The following KDM3B variants were observed in gnomAD, a reference collection of about 807,000 sequenced individuals.
KDM3B encodes the protein lysine-specific demethylase 3B.
A neutral mutation model predicts 170.0 loss-of-function variants in KDM3B; 10 were observed. The observed-to-expected ratio is 0.06, with a 90% CI of 0.04 to 0.10. The LOEUF is 0.10. Ranked by LOEUF, KDM3B falls within the 10% of genes least tolerant of loss-of-function variation. The probability of loss-of-function intolerance (pLI) is 1.00; values close to 1 mark genes in which losing one functional copy is unlikely to be tolerated. For synonymous variants in KDM3B, 831 were observed against 834.8 expected, an observed-to-expected ratio of 1.00 and a Z score of 0.08; for missense variants, 1,394 against 2,195.2, an observed-to-expected ratio of 0.64 and a Z score of 7.29.
At position 138,391,469 on chromosome 5, in the gene KDM3B, C is replaced by T. The variant is rs776949034; in HGVS notation, c.1837C>T (p.Arg613Cys). ...CTTCCCACGGAGCCTCCTAAATGCC[C>T]GTACCCCAGAGAATCATGAAAATCT... ...PAFPRSLLNA[R>C]TPENHENLFL... is the part of the protein sequence containing the mutation. The change falls in exon 8 of 24, where the codon CGT becomes TGT. Residue 613 changes from arginine (R) to cysteine (C), a missense_variant. Arg to Cys is a radical substitution (Grantham distance 180). This residue lies in a region of KDM3B where 294 missense variants were observed against 311.7 expected (regional missense o/e 0.94). Transcript: ENST00000314358. This position sits in a 1 kb window ranked among gnomAD's most constrained non-coding sequence, Gnocchi z 5.0. 3.2e-5 allele frequency: 52 copies of T among 1,614,030 alleles called. No individual in the cohort carries two copies. The highest frequency in any genetic ancestry group is 2.3e-4 in the Admixed American group (14 of 59,976).
chr5:138,391,843 G>A lies in KDM3B; in HGVS notation c.2211G>A (p.Glu737=), dbSNP rs1762440748. The A allele has an allele frequency of 6.2e-7, 1 of 1,614,016 alleles. No individual in the cohort carries two copies. The highest frequency in any genetic ancestry group is 8.5e-7 in the Non-Finnish European group (1 of 1,180,032). Residue 737 remains glutamate, a synonymous_variant, in exon 8 of 24, where the codon GAG becomes GAA. Transcript: ENST00000314358. This position sits in a 1 kb window ranked among gnomAD's most constrained non-coding sequence, Gnocchi z 5.0. ...CCAGCAGCCTCACTCAGCCCATTGAGATGCCAACTCTCTCCTCTAGCCCCA... is the reference window on the plus strand; with the variant it reads ...CCAGCAGCCTCACTCAGCCCATTGAAATGCCAACTCTCTCCTCTAGCCCCA... ...SPTSSLTQPI[E]MPTLSSSPTE...
chr5:138,398,887 C>CTTTT (rs537795731), intron 10 of KDM3B, among the ~76,000 whole-genome samples: 16 of 120,154 alleles, frequency 1.3e-4, no homozygotes, highest in South Asian at 2.8e-4. Context: ...TCCTAAATTT[C>CTTTT]TTTTTTTTTT....
chr5:138,398,896 T>TC (rs1309165713), intron 10 of KDM3B, among the ~76,000 whole-genome samples: 2 of 148,878 alleles, frequency 1.3e-5, no homozygotes, highest in African/African-American at 4.9e-5. Flanking sequence ...TCTTTTTTTT[T>TC]TTTTTTTTTT....
At chr5:138,400,384 G>A (rs1043808759) in intron 11 of KDM3B, among the ~76,000 whole-genome samples, 4 of 151,738 alleles carry the variant, frequency 2.6e-5, no homozygotes, top group African/African-American at 7.3e-5. Flanking sequence ...ATGAGCCACC[G>A]TACCTGTGTT....
intron 12 of KDM3B, 151 bp downstream of exon 12, chr5:138,415,390 CATT>C (rs910025837): frequency 7.6e-6 from 4 of 524,192 alleles, no homozygotes; most frequent in African/African-American, 3.8e-5. Context: ...TTATTATTAT[CATT>C]ATTATTATTG....
chr5:138,392,381 A>G, intron 8 of KDM3B, 120 bp downstream of exon 8: 1 of 1,082,618 alleles, frequency 9.2e-7, no homozygotes, highest in Non-Finnish European at 1.2e-6. Flanking sequence ...ATAGAATTAC[A>G]GAGCCAAGAG....
At chr5:138,420,144 T>C (rs1471445980) in intron 14 of KDM3B, among the ~76,000 whole-genome samples, 3 of 152,214 alleles carry the variant, frequency 2.0e-5, no homozygotes, top group African/African-American at 7.2e-5. Context: ...TGCCTCGGCC[T>C]CCCAAAGTGC....
intron 21 of KDM3B, 112 bp downstream of exon 21, chr5:138,430,077 C>A: frequency 7.0e-7 from 1 of 1,420,114 alleles, no homozygotes; most frequent in Non-Finnish European, 9.6e-7. Flanking sequence ...GACTTGTTGG[C>A]CATGATACCT....
At chr5:138,356,600 C>T (rs560748445) in intron 1 of KDM3B, among the ~76,000 whole-genome samples, 10 of 148,600 alleles carry the variant, frequency 6.7e-5, no homozygotes, top group Admixed American at 3.4e-4. Context: ...CCTTCACCTG[C>T]GTAGTGGGTT....
intron 7 of KDM3B, among the ~76,000 whole-genome samples, chr5:138,387,153 A>G (rs547527509): frequency 5.9e-5 from 9 of 152,284 alleles, no homozygotes; most frequent in African/African-American, 2.2e-4. Flanking sequence ...CCTTACCTGA[A>G]AATTTGATGG....
Position 138,375,264 on chromosome 5 carries a change from GTTGATAT to G in KDM3B, c.474+59_474+65del, listed in dbSNP as rs896727267. On this transcript the variant is annotated intron_variant, in intron 3 of 23. Coordinates refer to ENST00000314358, the MANE Select transcript of KDM3B (RefSeq NM_016604.4). ...TATTTTTTTCGCTGCTAATTTCTTT[GTTGATAT>G]AAACATAGGTGTTTCTCCTTTTACT... 2.7e-6 allele frequency: 3 copies of G among 1,096,702 alleles called. No individual in the cohort carries two copies. The African/African-American group carries it at 4.6e-5, about 17-fold the overall frequency. 67.9% of individuals were successfully genotyped at this position (1,096,702 alleles called of 1,614,324 possible).
At chr5:138,358,760 T>A (rs999538747) in intron 1 of KDM3B, among the ~76,000 whole-genome samples, 2 of 150,062 alleles carry the variant, frequency 1.3e-5, no homozygotes, top group Admixed American at 1.3e-4. Context: ...ATTCTCAGCT[T>A]TTTATTTATT....
intron 23 of KDM3B, among the ~76,000 whole-genome samples, chr5:138,434,454 T>C (rs1300241370): frequency 6.7e-6 from 1 of 149,614 alleles, no homozygotes; most frequent in East Asian, 2.0e-4. Context: ...AGGCTGAGGC[T>C]GGAGAATCGC....
intron 4 of KDM3B, among the ~76,000 whole-genome samples, chr5:138,378,274 G>T (rs558705356): frequency 2.0e-5 from 3 of 152,116 alleles, no homozygotes; most frequent in African/African-American, 7.2e-5. Context: ...CAGTGTTAAG[G>T]CATTGGGGAT....
At chr5:138,377,631 C>A in intron 3 of KDM3B, 89 bp from the exon 4 acceptor site, 1 of 885,228 alleles carries the variant, frequency 1.1e-6, no homozygotes, top group Non-Finnish European at 1.8e-6. Flanking sequence ...TGTTGATATA[C>A]AGCTCCTTAG....
chr5:138,430,028 C>G, intron 21 of KDM3B, 63 bp downstream of exon 21: 1 of 1,591,042 alleles, frequency 6.3e-7, no homozygotes, highest in South Asian at 1.1e-5. Flanking sequence ...CTGAGACACC[C>G]TATCTAGGGT....
intron 1 of KDM3B, among the ~76,000 whole-genome samples, chr5:138,357,648 C>A (rs1360129679): frequency 6.6e-6 from 1 of 152,226 alleles, no homozygotes; most frequent in African/African-American, 2.4e-5. Context: ...GCGTGAGCCA[C>A]CATGCCCAGC....
Position 138,391,315 on chromosome 5 carries a change from T to A in KDM3B, c.1683T>A (p.Leu561=), listed in dbSNP as rs1194549537. The stretch of plus-strand genomic sequence containing the variant: ...GTCGGGACTCATTCAAACAAAGCCT[T>A]GAGAGCCTGAGCTCAGGCCTGTGTA... The part of the protein sequence containing the change: ...SSSRDSFKQS[L]ESLSSGLCKG... Residue 561 remains leucine, a synonymous_variant, in exon 8 of 24, where the codon CTT becomes CTA. Transcript: ENST00000314358. This position sits in a 1 kb window ranked among gnomAD's most constrained non-coding sequence, Gnocchi z 5.0. 4 of 1,614,172 alleles carry A rather than the reference T, an allele frequency of 2.5e-6. 1 individual carries two copies. The South Asian group carries it at 4.4e-5, about 18-fold the overall frequency.
At chr5:138,424,369 C>A in intron 16 of KDM3B, 28 bp downstream of exon 16, 1 of 1,600,268 alleles carries the variant, frequency 6.2e-7, no homozygotes, top group Non-Finnish European at 8.5e-7. Flanking sequence ...GTTCCAAGGG[C>A]CAATTCTCTG....
Sources: allele counts gnomAD v4.1 joint callset (sites outside exome capture counted in the v4.1 genomes callset), GRCh38; gene constraint gnomAD v4.1.1; regional missense constraint gnomAD v4.1.1; non-coding constraint Gnocchi (gnomAD v3.1); transcripts MANE v1.5; gene names NCBI Gene and HGNC (gene_info 2026-07-23, HGNC 2026-07-21).